CERS5: variants seen among roughly 807,000 people sequenced by gnomAD.
The protein encoded by CERS5 is ceramide synthase 5.
Under a neutral mutation model 58.9 loss-of-function variants are expected in CERS5, and 37 were observed. The ratio of observed to expected loss-of-function variants is 0.63; its 90% CI spans 0.48 to 0.83. The LOEUF (loss-of-function observed/expected upper bound fraction) is 0.83, where lower values mean the gene tolerates loss of function less well. Ranked by LOEUF, CERS5 falls within the 40% of genes least tolerant of loss-of-function variation. CERS5 has a pLI of 0.00. For synonymous variants in CERS5, 147 were observed against 177.8 expected (o/e 0.83, Z 1.38); for missense variants, 398 against 489.3 (o/e 0.81, Z 1.76).
rs758994279 is a variant in CERS5, at chr12:50,167,174, G to T, written c.124C>A (p.Pro42Thr). The T allele has an allele frequency of 1.2e-6, 2 of 1,602,332 alleles. No homozygotes were observed. Among genetic ancestry groups the T allele is most frequent in the Non-Finnish European group, 1.7e-6 (2 of 1,176,616 alleles). Residue 42 changes from proline (P) to threonine (T), a missense_variant, in exon 1 of 10, where the codon CCC becomes ACC. Physicochemically the swap from Pro to Thr is conservative, Grantham distance 38. Transcript: ENST00000317551. ...LEGPADGYGYPRGRHILSVFP... is the reference protein window; with the variant it reads ...LEGPADGYGYTRGRHILSVFP... ...ACCGAGAGGATGTGCCGGCCGCGGG[G>T]GTAACCGTAGCCGTCGGCCGGCCCC...
intron 1 of CERS5, chr12:50,165,199 T>G (rs918093675): frequency 6.6e-6 from 1 of 152,122 alleles, no homozygotes; most frequent in Non-Finnish European, 1.5e-5. Flanking sequence ...GCAGGCGTAT[T>G]ACGAGGTCAG....
chr12:50,133,832 G>A (rs908986833), intron 9 of CERS5: 8 of 895,138 alleles, frequency 8.9e-6, no homozygotes, highest in Non-Finnish European at 1.1e-5. Flanking sequence ...CCAGCACTTC[G>A]GGAGGCCAAG....
chr12:50,163,714 C>T (rs1198705629), intron 1 of CERS5, among the ~76,000 whole-genome samples: 5 of 152,032 alleles, frequency 3.3e-5, no homozygotes, highest in South Asian at 4.2e-4. Context: ...GGTTTGATCA[C>T]GGCTCACTGC....
intron 1 of CERS5, chr12:50,144,656 C>T (rs1291946411): frequency 1.3e-5 from 7 of 547,432 alleles, no homozygotes; most frequent in South Asian, 3.0e-5. Flanking sequence ...TTTCAGGAGT[C>T]GAGAAGAAAG....
At chr12:50,165,286 G>GC (rs1013261680) in intron 1 of CERS5, 1 of 152,152 alleles carries the variant, frequency 6.6e-6, no homozygotes, top group African/African-American at 2.4e-5. Context: ...GGACATGGTG[G>GC]CGGGCGCCTG....
chr12:50,148,779 C>G (rs79602111), intron 1 of CERS5, among the ~76,000 whole-genome samples: 3 of 151,108 alleles, frequency 2.0e-5, no homozygotes. Context: ...GTCGTGCACA[C>G]CTGTATTCCC....
chr12:50,153,928 T>C (rs1229989974), intron 1 of CERS5: 1 of 367,038 alleles, frequency 2.7e-6, no homozygotes, highest in Non-Finnish European at 5.5e-6. Context: ...GACTCCAGCC[T>C]GGGCGACAAG....
At chr12:50,164,632 TATC>T (rs1939669119) in intron 1 of CERS5, among the ~76,000 whole-genome samples, 1 of 152,274 alleles carries the variant, frequency 6.6e-6, no homozygotes, top group African/African-American at 2.4e-5. Context: ...AGCCAAGAAT[TATC>T]ATACTAGAAT....
At chr12:50,151,688 T>A (rs139819265) in intron 1 of CERS5, among the ~76,000 whole-genome samples, 1 of 152,350 alleles carries the variant, frequency 6.6e-6, no homozygotes, top group Non-Finnish European at 1.5e-5. Flanking sequence ...AGTCTCCCTC[T>A]GTCACCTGGG....
At chr12:50,146,166 A>G (rs899619988) in intron 1 of CERS5, among the ~76,000 whole-genome samples, 3 of 152,192 alleles carry the variant, frequency 2.0e-5, no homozygotes, top group Admixed American at 2.0e-4. Context: ...CAGCTGAAAG[A>G]CCTTGTGACT....
chr12:50,146,308 A>C (rs1478274209), intron 1 of CERS5, among the ~76,000 whole-genome samples: 2 of 152,210 alleles, frequency 1.3e-5, no homozygotes, highest in Non-Finnish European at 2.9e-5. Context: ...TTATTATTTC[A>C]CTAGAAACAT....
chr12:50,153,049 G>A (rs912220832), intron 1 of CERS5, among the ~76,000 whole-genome samples: 17 of 151,878 alleles, frequency 1.1e-4, no homozygotes, highest in African/African-American at 4.1e-4. Flanking sequence ...CAGCCTGGGC[G>A]ACAGAGCAAG....
chr12:50,154,718 C>G (rs536210322), intron 1 of CERS5, among the ~76,000 whole-genome samples: 1 of 151,884 alleles, frequency 6.6e-6, no homozygotes, highest in Non-Finnish European at 1.5e-5. Context: ...TTGTGGAGAA[C>G]GAGGTCTTGC....
At position 50,135,855 on chromosome 12, in the gene CERS5, A is replaced by G. The variant is rs1951666478; in HGVS notation, c.766-17T>C. The G allele has an allele frequency of 3.1e-6, 5 of 1,609,766 alleles. No homozygotes were observed. The highest frequency in any genetic ancestry group is 4.2e-6 in the Non-Finnish European group (5 of 1,177,394). On this transcript the variant is annotated splice_polypyrimidine_tract_variant and intron_variant, in intron 7 of 9. Coordinates refer to ENST00000317551, the MANE Select transcript of CERS5 (RefSeq NM_147190.5). ...TTTGGCTGCCTGGAGAAAGGAAGAA[A>G]GAATTGAGCTGGGGAGAAAGTCATT...
intron 1 of CERS5, among the ~76,000 whole-genome samples, chr12:50,161,340 T>C (rs1314823063): frequency 2.0e-5 from 3 of 152,138 alleles, no homozygotes; most frequent in Non-Finnish European, 4.4e-5. Flanking sequence ...CTCAGTGTGG[T>C]TGATGAGAAG....
chr12:50,161,657 C>T (rs1428685748), intron 1 of CERS5, among the ~76,000 whole-genome samples: 1 of 151,324 alleles, frequency 6.6e-6, no homozygotes, highest in Non-Finnish European at 1.5e-5. Context: ...TATGCCTGTA[C>T]TGCTAGCTAC....
In CERS5 at chr12:50,130,711, CAA is replaced by C. The variant is rs1951270899; in HGVS notation, c.1030-19_1030-18del. On this transcript the variant is annotated intron_variant, in intron 9 of 9. Coordinates refer to ENST00000317551, the MANE Select transcript of CERS5 (RefSeq NM_147190.5). ...CTTCGATACCTGGGTGGGATGAGAC[CAA>C]AGACAGAAAAGTGAGGAAAGAACTG... 2 of 1,560,636 alleles carry C rather than the reference CAA, an allele frequency of 1.3e-6. No individual in the cohort carries two copies. Among genetic ancestry groups the C allele is most frequent in the Admixed American group, 1.7e-5 (1 of 57,768 alleles).
intron 1 of CERS5, among the ~76,000 whole-genome samples, chr12:50,155,707 A>T (rs1938495521): frequency 8.2e-6 from 1 of 122,632 alleles, no homozygotes. Context: ...ACTGCACTCC[A>T]GCCTGGGCGA....
At chr12:50,157,428 G>A (rs1938783246) in intron 1 of CERS5, among the ~76,000 whole-genome samples, 1 of 151,220 alleles carries the variant, frequency 6.6e-6, no homozygotes, top group African/African-American at 2.4e-5. Flanking sequence ...AGCAGAAGTA[G>A]GTTTCAGAGT....
Sources: gnomAD v4.1 joint callset for allele counts (sites outside exome capture counted in the v4.1 genomes callset) on GRCh38, gnomAD v4.1.1 for gene constraint, MANE v1.5 for transcripts, NCBI Gene and HGNC (gene_info 2026-07-23, HGNC 2026-07-21) for gene names.